Variants in DOCK8 observed in about 807,000 individuals in gnomAD.
DOCK8 encodes dedicator of cytokinesis protein 8.
In DOCK8, 141 loss-of-function variants were observed where a neutral mutation model predicts 245.6. That is an observed-to-expected ratio of 0.57 (90% confidence interval 0.50 to 0.66). The LOEUF is 0.66. Among genes scored for constraint, DOCK8 ranks in the 30% least tolerant of loss-of-function variants. The pLI, the probability that DOCK8 is intolerant of heterozygous loss-of-function variation, is 0.00. For missense variants in DOCK8, 2,965 were observed against 2,603.4 expected, an observed-to-expected ratio of 1.14 and a Z score of -3.02; for synonymous variants, 1,168 against 970.2, an observed-to-expected ratio of 1.20 and a Z score of -3.79.
At position 319,149 on chromosome 9, in the gene DOCK8, G is replaced by A. The variant is rs1191551217; in HGVS notation, c.827+2021G>A. On this transcript the variant is annotated intron_variant, in intron 7 of 47. Transcript: ENST00000432829. ...CCCTCTCTACCAAAAACTAACAGAT[G>A]TGTTAATTTTTAGCCCTAGCTACAT... Among the ~76,000 whole-genome samples, 4 of 152,280 alleles carry A rather than the reference G, an allele frequency of 2.6e-5. No individual in the cohort carries two copies. In the South Asian group the frequency reaches 6.2e-4, roughly 24 times the overall value.
chr9:400,260 CACCTCCACCATCACCACCACT>C (rs2054807760), intron 26 of DOCK8, among the ~76,000 whole-genome samples: 7 of 106,102 alleles, frequency 6.6e-5, no homozygotes, highest in African/African-American at 1.6e-4. Context: ...CCATCACCAC[CACCTCCACCATCACCACCACT>C]TCCTTCACCA....
At chr9:220,190 G>A (rs1273495694) in intron 1 of DOCK8, among the ~76,000 whole-genome samples, 2 of 152,094 alleles carry the variant, frequency 1.3e-5, no homozygotes, top group African/African-American at 4.8e-5. Flanking sequence ...AGAATTTTTG[G>A]CCTTTCACAT....
At chr9:335,047 A>C (rs970366135) in intron 11 of DOCK8, among the ~76,000 whole-genome samples, 11 of 152,080 alleles carry the variant, frequency 7.2e-5, no homozygotes, top group African/African-American at 2.7e-4. Flanking sequence ...AGGCCTCTGC[A>C]CTCCAGCCTG....
At position 289,510 on chromosome 9, in the gene DOCK8, G is replaced by A. The variant is rs1233831449; in HGVS notation, c.333G>A (p.Gly111=). 6.2e-7 allele frequency: 1 copy of A among 1,613,060 alleles called. No homozygotes were observed. Among genetic ancestry groups the A allele is most frequent in the African/African-American group, 1.3e-5 (1 of 74,844 alleles). Residue 111 remains glycine, a splice_region_variant and synonymous_variant, in exon 4 of 48, where the codon GGG becomes GGA. Coordinates refer to ENST00000432829, the MANE Select transcript of DOCK8 (RefSeq NM_203447.4). ...RTLQPSLPEE[G]VELDPHVRDC... ...TTTATTTCATTTTCTACCTCATTAG[G>A]GTTGAACTGGACCCTCATGTCAGGG...
intron 1 of DOCK8, among the ~76,000 whole-genome samples, chr9:267,545 C>T (rs1180622392): frequency 6.6e-6 from 1 of 152,194 alleles, no homozygotes; most frequent in Non-Finnish European, 1.5e-5. Context: ...CATAACTTCA[C>T]AGGAGACAGA....
intron 6 of DOCK8, among the ~76,000 whole-genome samples, chr9:314,951 A>C (rs908220593): frequency 6.6e-6 from 1 of 152,196 alleles, no homozygotes; most frequent in Non-Finnish European, 1.5e-5. Context: ...TCTTTCCCTA[A>C]TTCATTCTGA....
At chr9:390,603 G>T in intron 24 of DOCK8, 37 bp downstream of exon 24, 1 of 1,577,056 alleles carries the variant, frequency 6.3e-7, no homozygotes, top group Non-Finnish European at 8.7e-7. Context: ...TGCTCAATAG[G>T]CCAAGAGAAG....
chr9:334,718 A>G lies in DOCK8; in HGVS notation c.1285+334A>G, dbSNP rs569867913. Among the ~76,000 whole-genome samples the G allele has an allele frequency of 1.1e-4, 16 of 152,264 alleles. No individual in the cohort carries two copies. In the South Asian group the frequency reaches 3.3e-3, roughly 32 times the overall value. On this transcript the variant is annotated intron_variant, in intron 11 of 47. Coordinates refer to ENST00000432829, the MANE Select transcript of DOCK8 (RefSeq NM_203447.4). ...ATGTAGTAACCATCTGTAGTGTGTTAAGCAGAGACACCATGGTCGACTCCT... is the reference window on the plus strand; with the variant it reads ...ATGTAGTAACCATCTGTAGTGTGTTGAGCAGAGACACCATGGTCGACTCCT...
intron 26 of DOCK8, among the ~76,000 whole-genome samples, chr9:402,076 T>G (rs975701675): frequency 6.6e-6 from 1 of 152,196 alleles, no homozygotes; most frequent in Admixed American, 6.5e-5. Flanking sequence ...AAAGATACCC[T>G]AGATCACCAC....
intron 4 of DOCK8, among the ~76,000 whole-genome samples, chr9:297,478 G>A (rs1487846602): frequency 6.6e-6 from 1 of 152,154 alleles, no homozygotes; most frequent in Non-Finnish European, 1.5e-5. Flanking sequence ...AATAGGTCGA[G>A]TTCATTTCAT....
At chr9:274,342 C>T (rs966482104) in intron 2 of DOCK8, among the ~76,000 whole-genome samples, 8 of 152,258 alleles carry the variant, frequency 5.3e-5, no homozygotes, top group East Asian at 3.9e-4. Flanking sequence ...ATATATTACT[C>T]CCAGTTATTC....
In DOCK8 at chr9:325,703, G is replaced by C; in HGVS notation, c.860G>C (p.Ser287Thr). The change falls in exon 8 of 48, where the codon AGC becomes ACC. Residue 287 changes from serine to threonine, a missense_variant. Transcript: ENST00000432829. ...FEIEIEPLFASIALYDVKERK... is the reference protein window; with the variant it reads ...FEIEIEPLFATIALYDVKERK... ...ATTGAAATTGAGCCCCTGTTTGCCA[G>C]CATTGCCCTCTACGATGTTAAAGAA... 2 of 1,614,030 alleles carry C rather than the reference G, an allele frequency of 1.2e-6. No homozygotes were observed. Among genetic ancestry groups the C allele is most frequent in the Non-Finnish European group, 1.7e-6 (2 of 1,179,946 alleles).
At chr9:229,796 G>A (rs935526186) in intron 1 of DOCK8, among the ~76,000 whole-genome samples, 16 of 152,022 alleles carry the variant, frequency 1.1e-4, no homozygotes, top group Non-Finnish European at 2.2e-4. Context: ...TATCAATTAG[G>A]ATTGCTTTTA....
chr9:215,012 C>G lies in DOCK8; in HGVS notation c.36C>G (p.Phe12Leu), dbSNP rs566738926. The stretch of plus-strand genomic sequence containing the variant: ...TGCCGAGCGCAGAGCGCCGCGCGTT[C>G]GCGCTCAAGATCAACAGGTAAGACG... ...ATLPSAERRA[F>L]ALKINRYSSA... is the part of the protein sequence containing the mutation. Residue 12 changes from phenylalanine (F) to leucine (L), a missense_variant, in exon 1 of 48, where the codon TTC becomes TTG. Transcript: ENST00000432829. The G allele has an allele frequency of 7.2e-5, 115 of 1,592,276 alleles. No homozygotes were observed. In the East Asian group the frequency reaches 2.4e-3, roughly 33 times the overall value.
intron 37 of DOCK8, among the ~76,000 whole-genome samples, chr9:432,860 G>A (rs2056767743): frequency 1.3e-5 from 2 of 152,186 alleles, no homozygotes; most frequent in Non-Finnish European, 2.9e-5. Context: ...TTGTAAACAA[G>A]GTTGTCCTAA....
chr9:340,112 T>C, intron 13 of DOCK8, 47 bp from the exon 14 acceptor site: 1 of 1,594,076 alleles, frequency 6.3e-7, no homozygotes, highest in Non-Finnish European at 8.6e-7. Context: ...GATTCCCTCA[T>C]AACATGACAG....
At chr9:237,570 A>G (rs2047283468) in intron 1 of DOCK8, among the ~76,000 whole-genome samples, 1 of 152,152 alleles carries the variant, frequency 6.6e-6, no homozygotes, top group Non-Finnish European at 1.5e-5. Context: ...TGGAAGGATC[A>G]ATTGAGCCTG....
intron 35 of DOCK8, among the ~76,000 whole-genome samples, 182 bp from the exon 36 acceptor site, chr9:429,520 C>T (rs1013329646): frequency 3.3e-5 from 5 of 152,210 alleles, no homozygotes; most frequent in African/African-American, 1.2e-4. Context: ...ATTATTAAAT[C>T]TCAAGTCTAC....
chr9:362,751 G>A (rs748576034), intron 14 of DOCK8, among the ~76,000 whole-genome samples: 3 of 152,042 alleles, frequency 2.0e-5, no homozygotes, highest in Non-Finnish European at 4.4e-5. Flanking sequence ...GGCCATGGAA[G>A]AGCACATTGA....
Sources: allele counts gnomAD v4.1 joint callset (sites outside exome capture counted in the v4.1 genomes callset), GRCh38; gene constraint gnomAD v4.1.1; transcripts MANE v1.5; gene names NCBI Gene and HGNC (gene_info 2026-07-23, HGNC 2026-07-21).